Variants in MTUS2 observed in about 807,000 individuals in gnomAD.
The protein encoded by MTUS2 is microtubule-associated tumor suppressor candidate 2.
Under a neutral mutation model 114.1 loss-of-function variants are expected in MTUS2, and 40 were observed. That is an observed-to-expected ratio of 0.35 (90% CI 0.27 to 0.46). MTUS2 has a LOEUF of 0.46. Among genes scored for constraint, MTUS2 ranks in the 20% least tolerant of loss-of-function variants. The pLI, the probability that MTUS2 is intolerant of heterozygous loss-of-function variation, is 1.00. For missense variants in MTUS2, 1,679 were observed against 1,705.4 expected, an observed-to-expected ratio of 0.98 and a Z score of 0.27; for synonymous variants, 688 against 672.0, an observed-to-expected ratio of 1.02 and a Z score of -0.37.
intron 5 of MTUS2, among the ~76,000 whole-genome samples, chr13:29,220,394 G>T (rs757513914): frequency 5.3e-5 from 8 of 152,188 alleles, no homozygotes; most frequent in Admixed American, 4.6e-4. Context: ...AGCTTATTTT[G>T]GCTTTTGACA....
At chr13:28,830,103 T>C (rs929670169) in intron 1 of MTUS2, among the ~76,000 whole-genome samples, 28 of 152,278 alleles carry the variant, frequency 1.8e-4, no homozygotes, top group African/African-American at 6.5e-4. Flanking sequence ...CTGCACATGA[T>C]AAACAAAGTA....
chr13:29,096,797 G>A (rs1011438894), intron 4 of MTUS2, among the ~76,000 whole-genome samples: 11 of 152,160 alleles, frequency 7.2e-5, no homozygotes, highest in Admixed American at 6.5e-4. Context: ...GTTTATAAGC[G>A]AGGTGCGAGG....
At chr13:28,943,708 C>T (rs1378368920) in intron 2 of MTUS2, among the ~76,000 whole-genome samples, 1 of 152,076 alleles carries the variant, frequency 6.6e-6, no homozygotes, top group Non-Finnish European at 1.5e-5. Context: ...TGAACCAGGG[C>T]TTTGAGCTTG....
intron 2 of MTUS2, among the ~76,000 whole-genome samples, chr13:28,869,398 T>A (rs922665512): frequency 1.3e-5 from 2 of 152,220 alleles, no homozygotes; most frequent in Non-Finnish European, 2.9e-5. Flanking sequence ...AGGGATAGAT[T>A]TTGGTCCATT....
intron 5 of MTUS2, among the ~76,000 whole-genome samples, chr13:29,168,256 G>T (rs1430091634): frequency 6.6e-6 from 1 of 152,160 alleles, no homozygotes. Flanking sequence ...ATTTGTGCTT[G>T]TTATGGACGT....
At position 29,480,379 on chromosome 13, in the gene MTUS2, C is replaced by T. The variant is rs989020248; in HGVS notation, c.3399+15C>T. ...ACCAGGAGCAGGTCAGTCTGCAGTGCGGCTCGAGCTCTGCTGTTGGGTGAT... is the reference window on the plus strand; with the variant it reads ...ACCAGGAGCAGGTCAGTCTGCAGTGTGGCTCGAGCTCTGCTGTTGGGTGAT... On this transcript the variant is annotated intron_variant, in intron 10 of 15. Coordinates refer to ENST00000612955, the MANE Select transcript of MTUS2 (RefSeq NM_001033602.4). The surrounding 1 kb of genome is among the most constrained non-coding windows in gnomAD (Gnocchi z 4.4). 1.8e-5 allele frequency: 27 copies of T among 1,498,892 alleles called. No individual in the cohort carries two copies. The highest frequency in any genetic ancestry group is 4.2e-5 in the African/African-American group (3 of 71,708). The allele number at this position is 1,498,892 out of a possible 1,614,324, so 92.8% of individuals were successfully genotyped here. A position where few individuals can be genotyped will look rare whatever the true frequency, so the allele number is the denominator to read the frequency against.
In MTUS2 at chr13:29,389,415, GTGTGTATGTATACACGTGTGTGTA is replaced by G. The variant is rs1566172943; in HGVS notation, c.3117+29974_3117+29997del. On this transcript the variant is annotated intron_variant, in intron 8 of 15. Transcript: ENST00000612955. ...TGTGTGTATATATGTATACACGTGT[GTGTGTATGTATACACGTGTGTGTA>G]TGTGTATGTATACACGTGTGTGTAT... Among the ~76,000 whole-genome samples, 297 of 90,032 alleles carry G rather than the reference GTGTGTATGTATACACGTGTGTGTA, an allele frequency of 3.3e-3. 47 individuals are homozygous for G. Among genetic ancestry groups the G allele is most frequent in the African/African-American group, 0.013 (290 of 21,836 alleles). The allele number at this position is 90,032 out of a possible 152,430, so 59.1% of individuals were successfully genotyped here. A position where few individuals can be genotyped will look rare whatever the true frequency, so the allele number is the denominator to read the frequency against.
At chr13:29,289,069 C>G (rs1342494302) in intron 6 of MTUS2, among the ~76,000 whole-genome samples, 5 of 152,054 alleles carry the variant, frequency 3.3e-5, no homozygotes, top group Admixed American at 3.3e-4. Context: ...ATTGAAATAC[C>G]CTTTTTTCCT....
chr13:29,067,296 A>G (rs1421200522), intron 4 of MTUS2, among the ~76,000 whole-genome samples: 2 of 152,116 alleles, frequency 1.3e-5, no homozygotes, highest in Admixed American at 1.3e-4. Flanking sequence ...TTCCATCCAT[A>G]TTGAAGGGGT....
chr13:29,211,280 C>A (rs1427552735), intron 5 of MTUS2, among the ~76,000 whole-genome samples: 1 of 152,232 alleles, frequency 6.6e-6, no homozygotes, highest in Non-Finnish European at 1.5e-5. Flanking sequence ...AGGCCTTACC[C>A]AATGCCCATA....
At chr13:29,055,732 T>A (rs1888104033) in intron 4 of MTUS2, among the ~76,000 whole-genome samples, 1 of 152,148 alleles carries the variant, frequency 6.6e-6, no homozygotes, top group African/African-American at 2.4e-5. Flanking sequence ...CTTTTTGACT[T>A]TTTAGTAATT....
At chr13:29,261,782 A>G (rs1897481814) in intron 5 of MTUS2, among the ~76,000 whole-genome samples, 2 of 152,244 alleles carry the variant, frequency 1.3e-5, no homozygotes, top group Admixed American at 1.3e-4. Flanking sequence ...GGTATTAACT[A>G]CTAAGATATT....
chr13:29,356,686 G>A (rs949745157), intron 7 of MTUS2, among the ~76,000 whole-genome samples: 1 of 152,218 alleles, frequency 6.6e-6, no homozygotes, highest in South Asian at 2.1e-4. Context: ...GTGACAGTAC[G>A]ATGATTATTA....
intron 9 of MTUS2, among the ~76,000 whole-genome samples, chr13:29,479,912 A>G (rs1329240581): frequency 2.0e-5 from 3 of 152,206 alleles, no homozygotes; most frequent in Non-Finnish European, 4.4e-5. Context: ...CAGCCGCTGG[A>G]TGACCTTGGG....
chr13:29,360,693 C>CG (rs1157575207), intron 8 of MTUS2, among the ~76,000 whole-genome samples: 22 of 137,682 alleles, frequency 1.6e-4, no homozygotes, highest in East Asian at 2.3e-4. Context: ...CGAACACCCC[C>CG]CCCCCCCCGT....
chr13:29,169,688 G>C (rs560844567), intron 5 of MTUS2, among the ~76,000 whole-genome samples: 7 of 152,236 alleles, frequency 4.6e-5, no homozygotes, highest in Non-Finnish European at 8.8e-5. Context: ...ACTTTGCTGT[G>C]CAAGTATTTA....
chr13:28,899,681 A>G (rs1182899001), intron 2 of MTUS2, among the ~76,000 whole-genome samples: 1 of 152,044 alleles, frequency 6.6e-6, no homozygotes, highest in Non-Finnish European at 1.5e-5. Context: ...AAGTGCTGGG[A>G]TTACAGGTGT....
intron 2 of MTUS2, among the ~76,000 whole-genome samples, chr13:28,990,223 G>C (rs1884771179): frequency 1.3e-5 from 2 of 152,202 alleles, no homozygotes; most frequent in African/African-American, 4.8e-5. Flanking sequence ...CTGTGTTTGT[G>C]GAGTGACTCT....
At chr13:29,292,528 T>C (rs548641514) in intron 6 of MTUS2, among the ~76,000 whole-genome samples, 2 of 152,226 alleles carry the variant, frequency 1.3e-5, no homozygotes, top group Admixed American at 1.3e-4. Context: ...ATCTAGTAAT[T>C]AGAGTGAGAG....
Sources: allele counts gnomAD v4.1 joint callset (sites outside exome capture counted in the v4.1 genomes callset), GRCh38; gene constraint gnomAD v4.1.1; non-coding constraint Gnocchi (gnomAD v3.1); transcripts MANE v1.5; gene names NCBI Gene and HGNC (gene_info 2026-07-23, HGNC 2026-07-21).